PCDHA5: variants seen among roughly 807,000 people sequenced by gnomAD.
PCDHA5 encodes protocadherin alpha-5.
A neutral mutation model predicts 61.6 loss-of-function variants in PCDHA5; 43 were observed. The observed-to-expected ratio is 0.70, with a 90% confidence interval of 0.55 to 0.90. The LOEUF (loss-of-function observed/expected upper bound fraction) is 0.90. Ranked by LOEUF, PCDHA5 falls within the 40% of genes least tolerant of loss-of-function variation. The pLI is 0.00. For synonymous variants in PCDHA5, 627 were observed against 543.9 expected (o/e 1.15, Z -2.13); for missense variants, 1,298 against 1,222.7 (o/e 1.06, Z -0.92).
intron 1 of PCDHA5, chr5:140,926,870 G>A: frequency 6.6e-7 from 1 of 1,524,514 alleles, no homozygotes; most frequent in South Asian, 1.3e-5. Context: ...CGTGTTGGTG[G>A]AACGTGGACG....
At chr5:140,894,632 TATC>T (rs1161134901) in intron 1 of PCDHA5, among the ~76,000 whole-genome samples, 1 of 151,990 alleles carries the variant, frequency 6.6e-6, no homozygotes, top group Non-Finnish European at 1.5e-5. Context: ...TCTCCAATCA[TATC>T]ATTACTGAGT....
At chr5:140,965,639 C>G (rs781995485) in intron 1 of PCDHA5, among the ~76,000 whole-genome samples, 1 of 152,000 alleles carries the variant, frequency 6.6e-6, no homozygotes, top group Non-Finnish European at 1.5e-5. Flanking sequence ...TTTTAAATTA[C>G]TCTTGAAAGA....
chr5:140,968,099 G>A, intron 1 of PCDHA5: 3 of 1,614,100 alleles, frequency 1.9e-6, no homozygotes, highest in South Asian at 1.1e-5. Flanking sequence ...CACAGATGGG[G>A]GAATACCGCA....
At chr5:140,872,058 C>T (rs2053466493) in intron 1 of PCDHA5, among the ~76,000 whole-genome samples, 1 of 152,212 alleles carries the variant, frequency 6.6e-6, no homozygotes, top group African/African-American at 2.4e-5. Flanking sequence ...CTTCAGCCTC[C>T]AGAGTAGCTG....
At chr5:140,862,923 C>T in intron 1 of PCDHA5, 1 of 546,076 alleles carries the variant, frequency 1.8e-6, no homozygotes, top group South Asian at 1.4e-5. Flanking sequence ...CTTGGGTGGG[C>T]TGGCGGCGCT....
rs782133089 is a variant in PCDHA5, at chr5:140,924,894, C to CAAAAA, written c.2353-54048_2353-54044dup. Among the ~76,000 whole-genome samples, 201 of 71,494 alleles carry CAAAAA rather than the reference C, an allele frequency of 2.8e-3. 5 individuals are homozygous for CAAAAA. In the East Asian group the frequency reaches 0.084, roughly 30 times the overall value. The allele number at this position is 71,494 out of a possible 152,430, so 46.9% of individuals were successfully genotyped here. On this transcript the variant is annotated intron_variant, in intron 1 of 3. Coordinates refer to ENST00000529859, the MANE Select transcript of PCDHA5 (RefSeq NM_018908.3). ...TGGGTGACAGAGCAAGAACCTGTCT[C>CAAAAA]AAAAAAAAAAATAAAATAAAATAAA...
intron 1 of PCDHA5, among the ~76,000 whole-genome samples, chr5:140,885,102 G>A (rs2060467065): frequency 6.6e-6 from 1 of 151,970 alleles, no homozygotes; most frequent in Non-Finnish European, 1.5e-5. Flanking sequence ...TCACATAAAT[G>A]CTTTTTTTAA....
At chr5:140,877,838 A>G (rs1395855806) in intron 1 of PCDHA5, 16 of 1,583,236 alleles carry the variant, frequency 1.0e-5, no homozygotes, top group Non-Finnish European at 1.4e-5. Flanking sequence ...CCTCCCAGTG[A>G]AGTAAGTTAT....
At chr5:140,868,865 G>A (rs1554162260) in intron 1 of PCDHA5, 2 of 582,344 alleles carry the variant, frequency 3.4e-6, no homozygotes. Context: ...GGTAAATGCA[G>A]TGCACAGTAC....
chr5:140,943,831 A>T (rs1051741610), intron 1 of PCDHA5, among the ~76,000 whole-genome samples: 2 of 152,214 alleles, frequency 1.3e-5, no homozygotes, highest in African/African-American at 4.8e-5. Flanking sequence ...GAGTTGATTG[A>T]AGTTGTAAGA....
intron 1 of PCDHA5, among the ~76,000 whole-genome samples, chr5:140,955,549 C>T (rs1216178805): frequency 6.6e-6 from 1 of 152,140 alleles, no homozygotes; most frequent in Non-Finnish European, 1.5e-5. Context: ...TTCTTGAGGC[C>T]TCCCCAGCCA....
At chr5:140,996,190 C>T (rs2097716017) in intron 3 of PCDHA5, among the ~76,000 whole-genome samples, 1 of 152,200 alleles carries the variant, frequency 6.6e-6, no homozygotes, top group African/African-American at 2.4e-5. Flanking sequence ...CCATTTTATA[C>T]CCTCAATGCA....
chr5:140,841,357 G>A (rs1554138130), intron 1 of PCDHA5: 1 of 1,612,940 alleles, frequency 6.2e-7, no homozygotes, highest in South Asian at 1.1e-5. Context: ...TGGGATCCTG[G>A]CGACTACTAC....
chr5:140,957,717 A>G (rs2095377934), intron 1 of PCDHA5, among the ~76,000 whole-genome samples: 1 of 152,166 alleles, frequency 6.6e-6, no homozygotes, highest in African/African-American at 2.4e-5. Context: ...TTATTAAGAA[A>G]GAAGCAGAAT....
intron 1 of PCDHA5, chr5:140,928,661 G>A (rs1554206119): frequency 6.2e-7 from 1 of 1,614,218 alleles, no homozygotes; most frequent in Non-Finnish European, 8.5e-7. Flanking sequence ...GATGCTGACA[G>A]TGGTTCTAAT....
chr5:140,869,240 G>A (rs1262436049), intron 1 of PCDHA5: 1 of 1,613,514 alleles, frequency 6.2e-7, no homozygotes, highest in African/African-American at 1.3e-5. Context: ...ACCTTCGTGG[G>A]CCGCATCGCG....
At chr5:140,835,970 G>T (rs1178302162) in intron 1 of PCDHA5, 1 of 1,613,202 alleles carries the variant, frequency 6.2e-7, no homozygotes, top group Non-Finnish European at 8.5e-7. Flanking sequence ...AGGAGCTGGA[G>T]CTGTTGCAGT....
intron 1 of PCDHA5, chr5:140,871,426 C>T (rs1554165586): frequency 1.2e-6 from 2 of 1,613,320 alleles, no homozygotes; most frequent in Non-Finnish European, 8.5e-7. Context: ...CAGCCCCAGT[C>T]TTCCTCTAGG....
chr5:140,911,666 C>G (rs2075593137), intron 1 of PCDHA5, among the ~76,000 whole-genome samples: 1 of 152,168 alleles, frequency 6.6e-6, no homozygotes, highest in East Asian at 1.9e-4. Flanking sequence ...AACTCCTTGC[C>G]TCTCACGAAC....
Sources: gnomAD v4.1 joint callset for allele counts (sites outside exome capture counted in the v4.1 genomes callset) on GRCh38, gnomAD v4.1.1 for gene constraint, MANE v1.5 for transcripts, NCBI Gene and HGNC (gene_info 2026-07-23, HGNC 2026-07-21) for gene names.